The following PTPRD variants were observed in gnomAD, a reference collection of about 807,000 sequenced individuals.
The protein encoded by PTPRD is protein tyrosine phosphatase receptor type D.
A neutral mutation model predicts 214.5 loss-of-function variants in PTPRD; 34 were observed. That is an observed-to-expected ratio of 0.16 (90% confidence interval 0.12 to 0.21). The LOEUF (loss-of-function observed/expected upper bound fraction) is 0.21. Among genes scored for constraint, PTPRD ranks in the 10% least tolerant of loss-of-function variants. The probability of loss-of-function intolerance (pLI) is 1.00; values close to 1 mark genes in which losing one functional copy is unlikely to be tolerated. For synonymous variants in PTPRD, 1,128 were observed against 845.7 expected (o/e 1.33, Z -5.79); for missense variants, 2,545 against 2,398.7 (o/e 1.06, Z -1.27).
intron 11 of PTPRD, among the ~76,000 whole-genome samples, chr9:8,894,667 A>G (rs1442861842): frequency 2.6e-5 from 4 of 152,192 alleles, no homozygotes; most frequent in Non-Finnish European, 4.4e-5. Flanking sequence ...TATTTAGTAA[A>G]CTGAACGTAT....
At chr9:9,222,739 A>C (rs1049350078) in intron 9 of PTPRD, among the ~76,000 whole-genome samples, 6 of 152,044 alleles carry the variant, frequency 3.9e-5, no homozygotes, top group African/African-American at 1.4e-4. Context: ...GAAAATATCA[A>C]TAGATGTTGT....
chr9:9,476,226 A>G (rs2095032717), intron 8 of PTPRD, among the ~76,000 whole-genome samples: 1 of 152,172 alleles, frequency 6.6e-6, no homozygotes. Flanking sequence ...TTCTTGATGT[A>G]TAAACTCCTG....
intron 2 of PTPRD, among the ~76,000 whole-genome samples, chr9:10,435,559 C>T (rs112518850): frequency 4.0e-5 from 6 of 151,880 alleles, no homozygotes; most frequent in African/African-American, 1.4e-4. Context: ...CATTAGACCT[C>T]TGTTATAAAT....
chr9:10,110,227 G>A (rs557573261), intron 3 of PTPRD, among the ~76,000 whole-genome samples: 1 of 152,146 alleles, frequency 6.6e-6, no homozygotes, highest in South Asian at 2.1e-4. Context: ...ATCAAATTAT[G>A]AAGTAGCTCC....
At chr9:9,965,095 CACA>C (rs1382055076) in intron 4 of PTPRD, among the ~76,000 whole-genome samples, 1 of 152,124 alleles carries the variant, frequency 6.6e-6, no homozygotes, top group African/African-American at 2.4e-5. Flanking sequence ...CACAAACACA[CACA>C]ACGACACACA....
chr9:9,966,621 T>G (rs962621300), intron 4 of PTPRD, among the ~76,000 whole-genome samples: 3 of 152,152 alleles, frequency 2.0e-5, no homozygotes, highest in Non-Finnish European at 4.4e-5. Context: ...GTAGTCACAT[T>G]GAGCTGTGCA....
Position 9,976,382 on chromosome 9 carries a change from C to G in PTPRD, c.-471-37772G>C, listed in dbSNP as rs555160163. On this transcript the variant is annotated intron_variant, in intron 4 of 45. Coordinates refer to ENST00000381196, the MANE Select transcript of PTPRD (RefSeq NM_002839.4). ...TTTTATGCATCATCCAGGTGATTAA[C>G]TATATTTATTTTTATTTTTTTTGAG... is the stretch of plus-strand genomic sequence containing the variant. Among the ~76,000 whole-genome samples the G allele has an allele frequency of 9.2e-5, 14 of 151,932 alleles. No homozygotes were observed. The East Asian group carries it at 2.7e-3, about 30-fold the overall frequency.
chr9:10,523,113 G>A (rs542350212), intron 2 of PTPRD, among the ~76,000 whole-genome samples: 13 of 152,010 alleles, frequency 8.6e-5, no homozygotes, highest in African/African-American at 2.9e-4. Flanking sequence ...TTTCTCTGTG[G>A]TTGAAAAATA....
intron 10 of PTPRD, among the ~76,000 whole-genome samples, chr9:9,137,341 G>C (rs540425220): frequency 6.7e-4 from 102 of 152,102 alleles, no homozygotes; most frequent in African/African-American, 2.4e-3. Flanking sequence ...TCATTCTCTT[G>C]GTCTGTCTTG....
intron 8 of PTPRD, among the ~76,000 whole-genome samples, chr9:9,406,382 A>T (rs531773987): frequency 2.6e-5 from 4 of 152,074 alleles, no homozygotes; most frequent in Non-Finnish European, 5.9e-5. Context: ...AATAAACAGA[A>T]AGAATTAAGA....
intron 2 of PTPRD, among the ~76,000 whole-genome samples, chr9:10,350,914 A>G (rs78542735): frequency 0.011 from 1,670 of 152,242 alleles, 69 homozygotes; most frequent in Admixed American, 0.076. Flanking sequence ...GTAATTCCTT[A>G]GAGTCATAAA....
At chr9:8,553,304 G>A (rs190809959) in intron 14 of PTPRD, among the ~76,000 whole-genome samples, 14 of 152,238 alleles carry the variant, frequency 9.2e-5, no homozygotes, top group Admixed American at 8.5e-4. Context: ...AACCCTCTAC[G>A]GAAGCAGAAA....
chr9:9,856,905 A>G (rs2061663919), intron 5 of PTPRD, among the ~76,000 whole-genome samples: 1 of 152,314 alleles, frequency 6.6e-6, no homozygotes. Context: ...TTAGAAAAAT[A>G]AGCTAGAATA....
intron 10 of PTPRD, among the ~76,000 whole-genome samples, chr9:9,089,134 T>G (rs944062524): frequency 1.3e-5 from 2 of 152,148 alleles, no homozygotes; most frequent in African/African-American, 4.8e-5. Context: ...TGTGTGTGTG[T>G]GTTGAGTGGG....
intron 5 of PTPRD, among the ~76,000 whole-genome samples, chr9:9,784,269 C>G (rs1048134639): frequency 2.0e-5 from 3 of 151,952 alleles, no homozygotes; most frequent in Non-Finnish European, 4.4e-5. Flanking sequence ...AACTGCAAAG[C>G]ATTCATAAAT....
At chr9:10,527,063 C>G (rs2054518339) in intron 2 of PTPRD, among the ~76,000 whole-genome samples, 1 of 152,076 alleles carries the variant, frequency 6.6e-6, no homozygotes, top group Non-Finnish European at 1.5e-5. Flanking sequence ...CTTAAGATAG[C>G]TCTCACCAAC....
In PTPRD at chr9:8,610,235, C is replaced by G. The variant is rs116147679; in HGVS notation, c.352+23082G>C. ...TCTATTTCAAAGAGATAATACTTCA[C>G]AGGATTGCTGTGAAAAGTAAAACAC... On this transcript the variant is annotated intron_variant, in intron 14 of 45. Coordinates refer to ENST00000381196, the MANE Select transcript of PTPRD (RefSeq NM_002839.4). Among the ~76,000 whole-genome samples the G allele has an allele frequency of 5.4e-3, 815 of 152,234 alleles. 13 individuals are homozygous for G. Among genetic ancestry groups the G allele is most frequent in the African/African-American group, 0.019 (782 of 41,528 alleles).
At chr9:8,487,196 T>A (rs1194817551) in intron 27 of PTPRD, among the ~76,000 whole-genome samples, 1 of 152,196 alleles carries the variant, frequency 6.6e-6, no homozygotes, top group Non-Finnish European at 1.5e-5. Context: ...CTGCATTCTA[T>A]CAATATTAAC....
At chr9:10,560,934 C>A (rs2063804204) in intron 2 of PTPRD, among the ~76,000 whole-genome samples, 1 of 152,094 alleles carries the variant, frequency 6.6e-6, no homozygotes, top group Non-Finnish European at 1.5e-5. Context: ...GAGTGCTTAA[C>A]CTAGAAGAAG....
Sources: allele counts gnomAD v4.1 joint callset (sites outside exome capture counted in the v4.1 genomes callset), GRCh38; gene constraint gnomAD v4.1.1; transcripts MANE v1.5; gene names NCBI Gene and HGNC (gene_info 2026-07-23, HGNC 2026-07-21).